Variants in BCR observed in about 807,000 individuals in gnomAD.
BCR encodes breakpoint cluster region protein.
A neutral mutation model predicts 138.6 loss-of-function variants in BCR; 58 were observed. The observed-to-expected ratio is 0.42, with a 90% confidence interval of 0.34 to 0.52. The LOEUF (loss-of-function observed/expected upper bound fraction) is 0.52. Ranked by LOEUF, BCR falls within the 20% of genes least tolerant of loss-of-function variation. BCR has a pLI of 0.06. For synonymous variants in BCR, 786 were observed against 730.1 expected, an observed-to-expected ratio of 1.08 and a Z score of -1.23; for missense variants, 1,599 against 1,727.2, an observed-to-expected ratio of 0.93 and a Z score of 1.32.
At chr22:23,295,839 T>C (rs1049611979) in intron 16 of BCR, among the ~76,000 whole-genome samples, 8 of 152,130 alleles carry the variant, frequency 5.3e-5, no homozygotes, top group Non-Finnish European at 1.0e-4. Flanking sequence ...GCCCTGTTTA[T>C]CCTGTTCCCA....
chr22:23,269,083 G>A (rs762520794), intron 5 of BCR, among the ~76,000 whole-genome samples: 3 of 152,252 alleles, frequency 2.0e-5, no homozygotes, highest in Non-Finnish European at 4.4e-5. Flanking sequence ...TTAGCCCCAG[G>A]AAGCTGAAAC....
At chr22:23,234,824 A>G (rs1434378864) in intron 1 of BCR, among the ~76,000 whole-genome samples, 1 of 143,846 alleles carries the variant, frequency 7.0e-6, no homozygotes, top group African/African-American at 2.5e-5. Flanking sequence ...CCGTGGGACC[A>G]GGGCCGAACC....
chr22:23,213,507 C>CCTTACCCTA (rs2072711265), intron 1 of BCR, among the ~76,000 whole-genome samples: 1 of 152,178 alleles, frequency 6.6e-6, no homozygotes, highest in Non-Finnish European at 1.5e-5. Flanking sequence ...TAAGGCACAC[C>CCTTACCCTA]GTGAGTGGAT....
At chr22:23,238,989 A>C (rs1485703221) in intron 1 of BCR, among the ~76,000 whole-genome samples, 1 of 152,142 alleles carries the variant, frequency 6.6e-6, no homozygotes, top group Non-Finnish European at 1.5e-5. Context: ...GAAAGAACCC[A>C]GGCTATGGAA....
chr22:23,311,589 C>G (rs1202168403), intron 18 of BCR, 108 bp from the exon 19 acceptor site: 2 of 858,532 alleles, frequency 2.3e-6, no homozygotes, highest in Non-Finnish European at 3.7e-6. Flanking sequence ...TGGGTACCTT[C>G]GTCACCGTCC....
At chr22:23,185,323 G>A (rs1039409497) in intron 1 of BCR, among the ~76,000 whole-genome samples, 1 of 152,170 alleles carries the variant, frequency 6.6e-6, no homozygotes, top group Non-Finnish European at 1.5e-5. Context: ...TGCACCCTGG[G>A]CCCGCCTGTG....
At chr22:23,254,577 T>C (rs371587332) in intron 2 of BCR, 11 of 510,978 alleles carry the variant, frequency 2.2e-5, no homozygotes, top group South Asian at 9.9e-5. Flanking sequence ...ACGCCCCCCC[T>C]CACATGAGAA....
intron 15 of BCR, 103 bp downstream of exon 15, chr22:23,292,741 C>T (rs984183852): frequency 1.6e-5 from 15 of 948,522 alleles, no homozygotes; most frequent in African/African-American, 6.7e-5. Flanking sequence ...GGGCTTCCCC[C>T]GAAGGCAGTG....
intron 1 of BCR, among the ~76,000 whole-genome samples, chr22:23,195,472 A>T (rs1271385003): frequency 6.6e-6 from 1 of 151,634 alleles, no homozygotes; most frequent in Non-Finnish European, 1.5e-5. Flanking sequence ...CACGCCTGTA[A>T]TCCCAGCTAC....
At chr22:23,226,768 C>A (rs1390600796) in intron 1 of BCR, among the ~76,000 whole-genome samples, 1 of 152,124 alleles carries the variant, frequency 6.6e-6, no homozygotes, top group African/African-American at 2.4e-5. Context: ...CTGGCTCTTT[C>A]CAGGAAAAGT....
rs1489514639 is a variant in BCR at position 23,290,433 on chromosome 22, G to GC, written c.2782+20_2782+21insC. ...GTTCAAGTAAGTACTGGTTTGGGGA[G>GC]GAGGGTTGCAGCGGCCGAGCCAGGG... On this transcript the variant is annotated intron_variant, in intron 14 of 22. Transcript: ENST00000305877. 1.2e-6 allele frequency: 2 copies of GC among 1,611,742 alleles called. No individual in the cohort carries two copies. Among genetic ancestry groups the GC allele is most frequent in the Admixed American group, 1.7e-5 (1 of 60,016 alleles).
At chr22:23,256,157 A>T (rs981652020) in intron 2 of BCR, among the ~76,000 whole-genome samples, 1 of 152,148 alleles carries the variant, frequency 6.6e-6, no homozygotes, top group Non-Finnish European at 1.5e-5. Flanking sequence ...GACTTCCCCC[A>T]GGGAGCATGG....
In BCR at chr22:23,230,297, G is replaced by T. The variant is rs553783401; in HGVS notation, c.1280-23502G>T. On this transcript the variant is annotated intron_variant, in intron 1 of 22. Transcript: ENST00000305877. Reference sequence around the variant, plus strand: ...GGCTGTAGTGTGCTTTTTCCATCTTGCCTGGAATTGGAAGTTCCAACTTCT... The same window carrying T: ...GGCTGTAGTGTGCTTTTTCCATCTTTCCTGGAATTGGAAGTTCCAACTTCT... 1.2e-4 allele frequency among the ~76,000 whole-genome samples: 18 copies of T among 152,260 alleles called. No homozygotes were observed. The South Asian group carries it at 3.7e-3, about 32-fold the overall frequency.
At chr22:23,217,818 G>T (rs1286330630) in intron 1 of BCR, among the ~76,000 whole-genome samples, 1 of 152,202 alleles carries the variant, frequency 6.6e-6, no homozygotes, top group Non-Finnish European at 1.5e-5. Context: ...GTGAGACCTG[G>T]AGGGAGGGCA....
At chr22:23,292,832 A>C (rs894106990) in intron 15 of BCR, among the ~76,000 whole-genome samples, 194 bp downstream of exon 15, 2 of 152,108 alleles carry the variant, frequency 1.3e-5, no homozygotes, top group Non-Finnish European at 2.9e-5. Flanking sequence ...TGAAAACCTT[A>C]CCCATCCCTG....
intron 1 of BCR, among the ~76,000 whole-genome samples, chr22:23,234,623 T>A (rs2073001381): frequency 6.6e-6 from 1 of 152,056 alleles, no homozygotes; most frequent in Non-Finnish European, 1.5e-5. Context: ...AATGGTGGGC[T>A]GTGAAGAACT....
chr22:23,210,499 T>A, intron 1 of BCR, among the ~76,000 whole-genome samples: 1 of 152,168 alleles, frequency 6.6e-6, no homozygotes, highest in East Asian at 1.9e-4. Context: ...CGTATGTGCA[T>A]TCAGGTGTAA....
At chr22:23,201,401 G>A (rs1240456399) in intron 1 of BCR, among the ~76,000 whole-genome samples, 1 of 152,212 alleles carries the variant, frequency 6.6e-6, no homozygotes, top group African/African-American at 2.4e-5. Context: ...AGCCCACCCT[G>A]TTCATAGGCA....
chr22:23,237,765 G>C (rs1439609577), intron 1 of BCR, among the ~76,000 whole-genome samples: 1 of 152,214 alleles, frequency 6.6e-6, no homozygotes, highest in Non-Finnish European at 1.5e-5. Context: ...GGATGAGACG[G>C]ACCAGATTGC....
Sources: gnomAD v4.1 joint callset for allele counts (sites outside exome capture counted in the v4.1 genomes callset) on GRCh38, gnomAD v4.1.1 for gene constraint, MANE v1.5 for transcripts, NCBI Gene and HGNC (gene_info 2026-07-23, HGNC 2026-07-21) for gene names.